The following TAFA2 variants were observed in gnomAD, a reference collection of about 807,000 sequenced individuals.
TAFA2 encodes TAFA chemokine like family member 2.
Under a neutral mutation model 18.8 loss-of-function variants are expected in TAFA2, and 7 were observed. That is an observed-to-expected ratio of 0.37 (90% CI 0.21 to 0.70). TAFA2 has a LOEUF of 0.70. TAFA2 is among the 30% of genes least tolerant of loss of function. The pLI is 0.53. For missense variants in TAFA2, 122 were observed against 158.1 expected (o/e 0.77, Z 1.23); for synonymous variants, 60 against 54.2 (o/e 1.11, Z -0.47).
intron 2 of TAFA2, among the ~76,000 whole-genome samples, chr12:61,859,612 CTTTGTAT>C (rs1336188293): frequency 6.6e-5 from 10 of 151,954 alleles, no homozygotes; most frequent in African/African-American, 2.4e-4. Context: ...CCCAGCTAAT[CTTTGTAT>C]TTTTAGTAGA....
intron 1 of TAFA2, among the ~76,000 whole-genome samples, chr12:62,011,004 A>G (rs1880738814): frequency 1.7e-5 from 2 of 116,606 alleles, no homozygotes; most frequent in Admixed American, 9.4e-5. Context: ...CCCGTCTGGG[A>G]AGTGGGGGGC....
At chr12:61,753,397 T>C (rs1020452391) in intron 4 of TAFA2, among the ~76,000 whole-genome samples, 3 of 152,118 alleles carry the variant, frequency 2.0e-5, no homozygotes, top group Non-Finnish European at 4.4e-5. Context: ...ACAGTGTTTA[T>C]TGATCAGATA....
At chr12:62,208,570 T>C (rs1455988118) in intron 1 of TAFA2, among the ~76,000 whole-genome samples, 1 of 152,038 alleles carries the variant, frequency 6.6e-6, no homozygotes, top group Non-Finnish European at 1.5e-5. Context: ...AAAATCATTG[T>C]GAATACCTAG....
intron 1 of TAFA2, among the ~76,000 whole-genome samples, chr12:62,243,694 T>C (rs1375020737): frequency 1.3e-5 from 2 of 152,244 alleles, no homozygotes; most frequent in African/African-American, 4.8e-5. Flanking sequence ...CCCTGCCCAG[T>C]GAATTTACAG....
chr12:61,881,482 T>C (rs1174915137), intron 1 of TAFA2, among the ~76,000 whole-genome samples: 1 of 152,214 alleles, frequency 6.6e-6, no homozygotes, highest in East Asian at 1.9e-4. Flanking sequence ...TTAAATCTTA[T>C]GGGACCACTA....
chr12:61,875,890 A>G (rs768393876), intron 1 of TAFA2, among the ~76,000 whole-genome samples: 1 of 151,684 alleles, frequency 6.6e-6, no homozygotes, highest in Non-Finnish European at 1.5e-5. Context: ...CTCCTGCATG[A>G]TCTGGAGATG....
At chr12:62,112,321 C>G (rs190055849) in intron 1 of TAFA2, among the ~76,000 whole-genome samples, 1 of 152,178 alleles carries the variant, frequency 6.6e-6, no homozygotes, top group African/African-American at 2.4e-5. Context: ...TGGCTCCACT[C>G]TCTTCTGGCT....
chr12:61,722,443 A>T (rs1869949275), intron 4 of TAFA2, among the ~76,000 whole-genome samples: 3 of 152,142 alleles, frequency 2.0e-5, no homozygotes, highest in Admixed American at 2.0e-4. Context: ...CTTTATTTAG[A>T]TATATCAAAG....
intron 1 of TAFA2, among the ~76,000 whole-genome samples, chr12:61,949,951 C>T (rs992405702): frequency 2.6e-5 from 4 of 152,058 alleles, no homozygotes; most frequent in African/African-American, 9.7e-5. Context: ...CCCTGGTAAT[C>T]ACTCTCTACT....
chr12:61,740,352 T>A (rs1432305471), intron 4 of TAFA2, among the ~76,000 whole-genome samples: 1 of 149,554 alleles, frequency 6.7e-6, no homozygotes, highest in East Asian at 2.0e-4. Context: ...AGGCAAGGGG[T>A]GGGAGAGCAT....
At position 61,797,195 on chromosome 12, in the gene TAFA2, AG is replaced by A. The variant is rs1353478017; in HGVS notation, c.107-42172del. On this transcript the variant is annotated intron_variant, in intron 2 of 4. Coordinates refer to ENST00000416284, the MANE Select transcript of TAFA2 (RefSeq NM_178539.5). ...ATCACACACCAATAGCATCACTAGT[AG>A]CCTTTAAAAGTGAGGCTAATGAATA... 3.3e-5 allele frequency among the ~76,000 whole-genome samples: 5 copies of A among 152,192 alleles called. No homozygotes were observed. The East Asian group carries it at 9.6e-4, about 29-fold the overall frequency.
chr12:61,944,570 AG>A (rs1435797655), intron 1 of TAFA2, among the ~76,000 whole-genome samples: 8 of 111,840 alleles, frequency 7.2e-5, no homozygotes, highest in African/African-American at 2.5e-4. Context: ...AGACTAATAA[AG>A]AAAAAAAGAG....
rs546439760 is a variant in TAFA2 at position 62,062,282 on chromosome 12, C to T, written c.-2+128977G>A. Among the ~76,000 whole-genome samples the T allele has an allele frequency of 3.9e-5, 6 of 152,304 alleles. No individual in the cohort carries two copies. The East Asian group carries it at 1.2e-3, about 29-fold the overall frequency. ...CAAGTCTACTGTCTTAATATATTTGCTAAATCTGTTAACAATACACTGTAT... is the reference window on the plus strand; with the variant it reads ...CAAGTCTACTGTCTTAATATATTTGTTAAATCTGTTAACAATACACTGTAT... On this transcript the variant is annotated intron_variant, in intron 1 of 4. Transcript: ENST00000416284.
intron 2 of TAFA2, among the ~76,000 whole-genome samples, chr12:61,757,512 G>A (rs1869330953): frequency 6.6e-6 from 1 of 152,022 alleles, no homozygotes; most frequent in Non-Finnish European, 1.5e-5. Flanking sequence ...ATAAAGCTTA[G>A]GGGAGATATT....
chr12:61,874,190 A>C (rs1874743781), intron 1 of TAFA2, among the ~76,000 whole-genome samples: 1 of 152,128 alleles, frequency 6.6e-6, no homozygotes, highest in East Asian at 1.9e-4. Context: ...TATAATCAAA[A>C]ATTTATAGAG....
At chr12:62,024,077 C>T (rs1440152230) in intron 1 of TAFA2, among the ~76,000 whole-genome samples, 1 of 152,120 alleles carries the variant, frequency 6.6e-6, no homozygotes, top group Admixed American at 6.6e-5. Context: ...GTTCCTATTT[C>T]TCTTGCATGC....
chr12:62,039,340 G>A (rs1258441544), intron 1 of TAFA2, among the ~76,000 whole-genome samples: 2 of 152,036 alleles, frequency 1.3e-5, no homozygotes, highest in East Asian at 3.9e-4. Context: ...GCTGAGTAAG[G>A]GCAGTAAAAT....
At chr12:61,895,968 A>G (rs11174224) in intron 1 of TAFA2, among the ~76,000 whole-genome samples, 9,812 of 152,050 alleles carry the variant, frequency 0.065, 1,103 homozygotes, top group African/African-American at 0.22. Flanking sequence ...TTGCCCTGTA[A>G]ATAAGGATTT....
At chr12:61,800,547 C>T (rs1871360943) in intron 2 of TAFA2, among the ~76,000 whole-genome samples, 1 of 152,036 alleles carries the variant, frequency 6.6e-6, no homozygotes, top group Admixed American at 6.5e-5. Context: ...TGAAAAGAAT[C>T]AGGAAGTGAT....
Sources: allele counts gnomAD v4.1 joint callset (sites outside exome capture counted in the v4.1 genomes callset), GRCh38; gene constraint gnomAD v4.1.1; transcripts MANE v1.5; gene names NCBI Gene and HGNC (gene_info 2026-07-23, HGNC 2026-07-21).